Variants in CARS1 observed in about 807,000 individuals in gnomAD.
CARS1 encodes cysteinyl-tRNA synthetase 1.
CARS1 carries 48 observed loss-of-function variants against 106.2 expected under a neutral mutation model. The ratio of observed to expected loss-of-function variants is 0.45; its 90% CI spans 0.36 to 0.57. The LOEUF is 0.57. Ranked by LOEUF, CARS1 falls within the 20% of genes least tolerant of loss-of-function variation. CARS1 has a pLI of 0.00. For missense variants in CARS1, 968 were observed against 1,057.2 expected (o/e 0.92, Z 1.17); for synonymous variants, 409 against 403.4 (o/e 1.01, Z -0.17).
Position 3,038,700 on chromosome 11 carries a change from T to C in CARS1, c.651+494A>G, listed in dbSNP as rs1364411356. On this transcript the variant is annotated intron_variant, in intron 6 of 22. Transcript: ENST00000380525. The surrounding 1 kb of genome is among the most constrained non-coding windows in gnomAD (Gnocchi z 4.0). ...AATTAGTAGAGAGTAAAATGACCTA[T>C]TCTTACTATTGTAATAAAAATAAGT... Among the ~76,000 whole-genome samples, 2 of 152,264 alleles carry C rather than the reference T, an allele frequency of 1.3e-5. No homozygotes were observed. Among genetic ancestry groups the C allele is most frequent in the Admixed American group, 6.5e-5 (1 of 15,290 alleles).
chr11:3,044,415 C>A lies in CARS1; in HGVS notation c.275-2159G>T, dbSNP rs1230590736. Among the ~76,000 whole-genome samples the A allele has an allele frequency of 1.3e-5, 2 of 150,712 alleles. No homozygotes were observed. The highest frequency in any genetic ancestry group is 2.9e-5 in the Non-Finnish European group (2 of 68,002). The stretch of plus-strand genomic sequence containing the variant: ...AGATATCACATAAGGACCCTTGCCC[C>A]CCTTTTTTTTTTTTAGATAAAATCT... On this transcript the variant is annotated intron_variant, in intron 2 of 22. Coordinates refer to ENST00000380525, the MANE Select transcript of CARS1 (RefSeq NM_001014437.3). This position sits in a 1 kb window ranked among gnomAD's most constrained non-coding sequence, Gnocchi z 4.4.
chr11:3,049,164 G>A (rs373877955), intron 1 of CARS1, among the ~76,000 whole-genome samples: 25 of 151,874 alleles, frequency 1.6e-4, no homozygotes, highest in African/African-American at 5.6e-4. Context: ...GCCCAGGCTG[G>A]AGTGCAGTGG....
intron 10 of CARS1, among the ~76,000 whole-genome samples, chr11:3,025,301 CACTATA>C (rs1851941802): frequency 6.6e-6 from 1 of 152,198 alleles, no homozygotes; most frequent in South Asian, 2.1e-4. Flanking sequence ...AATCTTGGCT[CACTATA>C]ACCTCTGCCT....
chr11:3,024,121 G>A (rs1278866512), intron 10 of CARS1, among the ~76,000 whole-genome samples: 1 of 152,084 alleles, frequency 6.6e-6, no homozygotes, highest in Non-Finnish European at 1.5e-5. Flanking sequence ...TCGAACTCCT[G>A]ACCTCGTGAT....
chr11:3,017,786 T>C lies in CARS1; in HGVS notation c.1727+71A>G. ...TTCCTCGACAGTCCAGGACACATGGTGGCCAAGATGCGAGGCTAGGCATAG... is the reference window on the plus strand; with the variant it reads ...TTCCTCGACAGTCCAGGACACATGGCGGCCAAGATGCGAGGCTAGGCATAG... On this transcript the variant is annotated intron_variant, in intron 15 of 22. Transcript: ENST00000380525. The surrounding 1 kb of genome is among the most constrained non-coding windows in gnomAD (Gnocchi z 4.9). The C allele has an allele frequency of 1.0e-6, 1 of 996,850 alleles. No homozygotes were observed. Among genetic ancestry groups the C allele is most frequent in the South Asian group, 1.3e-5 (1 of 76,354 alleles). The allele number at this position is 996,850 out of a possible 1,614,324, so 61.8% of individuals were successfully genotyped here.
chr11:3,034,521 G>A lies in CARS1; in HGVS notation c.801+3529C>T, dbSNP rs538163213. 4.0e-3 allele frequency among the ~76,000 whole-genome samples: 605 copies of A among 151,198 alleles called. 24 individuals carry two copies. The highest frequency in any genetic ancestry group is 3.4e-3 in the East Asian group (17 of 5,072). On this transcript the variant is annotated intron_variant, in intron 7 of 22. Coordinates refer to ENST00000380525, the MANE Select transcript of CARS1 (RefSeq NM_001014437.3). This position sits in a 1 kb window ranked among gnomAD's most constrained non-coding sequence, Gnocchi z 6.3. Reference sequence around the variant, plus strand: ...CAGGCGTGACCCACTGCGCCTGGCCGGGAATGGGTAAAATTTTTTTTCTTT... The same window carrying A: ...CAGGCGTGACCCACTGCGCCTGGCCAGGAATGGGTAAAATTTTTTTTCTTT...
rs555812289 is a variant in CARS1, at chr11:3,039,505, T to C, written c.553-213A>G. On this transcript the variant is annotated intron_variant, in intron 5 of 22. Transcript: ENST00000380525. The surrounding 1 kb of genome is among the most constrained non-coding windows in gnomAD (Gnocchi z 5.6). ...TGCCCAAGGCCTAACATGATCTTTC[T>C]GACGCTTAATGAAATGAGCCCTGGG... 2.0e-5 allele frequency among the ~76,000 whole-genome samples: 3 copies of C among 152,204 alleles called. No individual in the cohort carries two copies. Among genetic ancestry groups the C allele is most frequent in the African/African-American group, 4.8e-5 (2 of 41,458 alleles).
chr11:3,054,896 G>C, intron 1 of CARS1: 1 of 702,618 alleles, frequency 1.4e-6, no homozygotes, highest in Non-Finnish European at 2.6e-6. Flanking sequence ...AGCCGACCAA[G>C]TGGTATCCCA....
In CARS1 at chr11:3,045,413, C is replaced by A. The variant is rs905891249; in HGVS notation, c.274+2340G>T. 6.6e-6 allele frequency among the ~76,000 whole-genome samples: 1 copy of A among 152,110 alleles called. No individual in the cohort carries two copies. Among genetic ancestry groups the A allele is most frequent in the African/African-American group, 2.4e-5 (1 of 41,420 alleles). On this transcript the variant is annotated intron_variant, in intron 2 of 22. Coordinates refer to ENST00000380525, the MANE Select transcript of CARS1 (RefSeq NM_001014437.3). This position sits in a 1 kb window ranked among gnomAD's most constrained non-coding sequence, Gnocchi z 5.6. ...CCGAGTAGCTGGGACTATAGGCACC[C>A]GCCATCACGCCCGGCTAATTTTTTG...
rs1162698230 is a variant in CARS1 at position 3,052,387 on chromosome 11, T to C, written c.26-4386A>G. 6.6e-6 allele frequency among the ~76,000 whole-genome samples: 1 copy of C among 152,254 alleles called. No individual in the cohort carries two copies. Among genetic ancestry groups the C allele is most frequent in the African/African-American group, 2.4e-5 (1 of 41,462 alleles). The stretch of plus-strand genomic sequence containing the variant: ...GAGCCAGGGGCCCCATTTGCCATCA[T>C]TATTATCATAATCGCTCTGGTATTA... On this transcript the variant is annotated intron_variant, in intron 1 of 22. Coordinates refer to ENST00000380525, the MANE Select transcript of CARS1 (RefSeq NM_001014437.3). The surrounding 1 kb of genome is among the most constrained non-coding windows in gnomAD (Gnocchi z 4.6).
In CARS1 at chr11:3,021,638, A is replaced by G. The variant is rs557173813; in HGVS notation, c.1154-1306T>C. ...GAAAGATAAAAAAAGAAAACTAGGA[A>G]AAAAATTGCCATTATCTTTTAACCT... On this transcript the variant is annotated intron_variant, in intron 10 of 22. Transcript: ENST00000380525. The surrounding 1 kb of genome is among the most constrained non-coding windows in gnomAD (Gnocchi z 5.3). 7.2e-5 allele frequency among the ~76,000 whole-genome samples: 11 copies of G among 152,354 alleles called. No homozygotes were observed. In the East Asian group the frequency reaches 2.1e-3, roughly 29 times the overall value.
In CARS1 at chr11:3,042,177, G is replaced by A. The variant is rs746794079; in HGVS notation, c.354C>T (p.Leu118=). ...GTGTTCTCCTTACCTTGTTCCTGGT[G>A]AGGCTGTTGTAAAGGTGGAGTCTGC... ...QPCRLHLYNS[L]TRNKEVFIPQ... The change falls in exon 3 of 23, where the codon CTC becomes CTT. Residue 118 remains leucine, a synonymous_variant. Coordinates refer to ENST00000380525, the MANE Select transcript of CARS1 (RefSeq NM_001014437.3). The A allele has an allele frequency of 1.9e-6, 3 of 1,613,540 alleles. No individual in the cohort carries two copies. Among genetic ancestry groups the A allele is most frequent in the Non-Finnish European group, 2.5e-6 (3 of 1,179,668 alleles).
chr11:3,021,054 C>A lies in CARS1; in HGVS notation c.1154-722G>T, dbSNP rs1490827088. Among the ~76,000 whole-genome samples, 1 of 152,142 alleles carries A rather than the reference C, an allele frequency of 6.6e-6. No homozygotes were observed. Among genetic ancestry groups the A allele is most frequent in the Admixed American group, 6.5e-5 (1 of 15,270 alleles). ...GCCTTGCCAGAGGGATGAGAAATAACCCCTTGGTGAATTCCATGCATTGAC... is the reference window on the plus strand; with the variant it reads ...GCCTTGCCAGAGGGATGAGAAATAAACCCTTGGTGAATTCCATGCATTGAC... On this transcript the variant is annotated intron_variant, in intron 10 of 22. Transcript: ENST00000380525. The surrounding 1 kb of genome is among the most constrained non-coding windows in gnomAD (Gnocchi z 5.3).
At position 3,006,932 on chromosome 11, in the gene CARS1, G is replaced by T; in HGVS notation, c.2096C>A (p.Ala699Asp). Residue 699 changes from alanine to aspartate, a missense_variant, in exon 19 of 23, where the codon GCC (alanine) becomes GAC (aspartate). Ala to Asp is a moderately radical substitution (Grantham distance 126). Transcript: ENST00000380525. ...KVPEILQLSD[A>D]LRDNILPELG... ...CTCGGGCAGGATGTTGTCCCGCAGG[G>T]CATCGCTGAGCTGCAGAATCTCAGG... 6.2e-7 allele frequency: 1 copy of T among 1,614,062 alleles called. No individual in the cohort carries two copies. The highest frequency in any genetic ancestry group is 8.5e-7 in the Non-Finnish European group (1 of 1,179,984).
chr11:3,010,998 G>A (rs1460840563), intron 18 of CARS1, among the ~76,000 whole-genome samples: 1 of 152,224 alleles, frequency 6.6e-6, no homozygotes, highest in Admixed American at 6.5e-5. Context: ...AATTAGCACA[G>A]CAGGTGATGG....
rs1048134777 is a variant in CARS1, at chr11:3,017,014, G to A, written c.1917+92C>T. 26 of 1,072,078 alleles carry A rather than the reference G, an allele frequency of 2.4e-5. No individual in the cohort carries two copies. The African/African-American group carries it at 3.2e-4, about 13-fold the overall frequency. The allele number at this position is 1,072,078 out of a possible 1,614,324, so 66.4% of individuals were successfully genotyped here. A position where few individuals can be genotyped will look rare whatever the true frequency, so the allele number is the denominator to read the frequency against. ...TGCTGGGCACCAGGCACAGCACTGG[G>A]GGGCACCAGAGGCCTCTGTTCTCCC... On this transcript the variant is annotated intron_variant, in intron 16 of 22. Coordinates refer to ENST00000380525, the MANE Select transcript of CARS1 (RefSeq NM_001014437.3). The surrounding 1 kb of genome is among the most constrained non-coding windows in gnomAD (Gnocchi z 4.9).
At chr11:3,013,578 C>T (rs1375539978) in intron 17 of CARS1, among the ~76,000 whole-genome samples, 2 of 152,020 alleles carry the variant, frequency 1.3e-5, no homozygotes, top group Admixed American at 6.5e-5. Flanking sequence ...TGGCTGGGCG[C>T]GGTGACTCAC....
Position 3,040,820 on chromosome 11 carries a change from G to T in CARS1, c.455+76C>A. ...CTAAGATCTTTGTGGACCTAAGATCGCTGCTGTGGATCCCAATGGCTCTGA... is the reference window on the plus strand; with the variant it reads ...CTAAGATCTTTGTGGACCTAAGATCTCTGCTGTGGATCCCAATGGCTCTGA... On this transcript the variant is annotated intron_variant, in intron 4 of 22. Coordinates refer to ENST00000380525, the MANE Select transcript of CARS1 (RefSeq NM_001014437.3). This position sits in a 1 kb window ranked among gnomAD's most constrained non-coding sequence, Gnocchi z 5.8. 6.8e-7 allele frequency: 1 copy of T among 1,473,390 alleles called. No individual in the cohort carries two copies. The highest frequency in any genetic ancestry group is 9.3e-7 in the Non-Finnish European group (1 of 1,071,800). 91.3% of individuals were successfully genotyped at this position (1,473,390 alleles called of 1,614,324 possible).
At position 3,008,673 on chromosome 11, in the gene CARS1, A is replaced by G. The variant is rs935322876; in HGVS notation, c.2069-1714T>C. On this transcript the variant is annotated intron_variant, in intron 18 of 22. Transcript: ENST00000380525. This position sits in a 1 kb window ranked among gnomAD's most constrained non-coding sequence, Gnocchi z 5.1. The stretch of plus-strand genomic sequence containing the variant: ...GGGCTTCAAGGCCGCGCTCATAAGC[A>G]CAGCCACTTTGGGCAGCTTCCGGAG... The G allele has an allele frequency of 6.6e-6, 1 of 151,576 alleles. No homozygotes were observed. The highest frequency in any genetic ancestry group is 2.4e-5 in the African/African-American group (1 of 41,216). The allele number at this position is 151,576 out of a possible 1,614,324, so 9.4% of individuals were successfully genotyped here.
Sources: gnomAD v4.1 joint callset for allele counts (sites outside exome capture counted in the v4.1 genomes callset) on GRCh38, gnomAD v4.1.1 for gene constraint, Gnocchi (gnomAD v3.1) non-coding constraint, MANE v1.5 for transcripts, NCBI Gene and HGNC (gene_info 2026-07-23, HGNC 2026-07-21) for gene names.